Variants in DLG2 observed in about 807,000 individuals in gnomAD.
DLG2 encodes disks large homolog 2.
Under a neutral mutation model 132.5 loss-of-function variants are expected in DLG2, and 45 were observed. The observed-to-expected ratio is 0.34, with a 90% CI of 0.27 to 0.44. DLG2 has a LOEUF of 0.44. Among genes scored for constraint, DLG2 ranks in the 20% least tolerant of loss-of-function variants. The pLI is 1.00. For missense variants in DLG2, 1,045 were observed against 1,196.9 expected, an observed-to-expected ratio of 0.87 and a Z score of 1.87; for synonymous variants, 424 against 419.6, an observed-to-expected ratio of 1.01 and a Z score of -0.13.
intron 7 of DLG2, among the ~76,000 whole-genome samples, chr11:84,478,852 T>C (rs1351330296): frequency 6.6e-6 from 1 of 152,102 alleles, no homozygotes. Flanking sequence ...CTAGAATCTT[T>C]GACGTATAAA....
At chr11:83,469,445 C>A in intron 24 of DLG2, 72 bp from the exon 25 acceptor site, 1 of 1,112,496 alleles carries the variant, frequency 9.0e-7, no homozygotes, top group Non-Finnish European at 1.3e-6. Context: ...CTATATTCTC[C>A]ACCACATCCT....
chr11:85,449,926 G>A (rs1215797303), intron 3 of DLG2, among the ~76,000 whole-genome samples: 4 of 151,894 alleles, frequency 2.6e-5, no homozygotes, highest in African/African-American at 7.3e-5. Flanking sequence ...TCGGGAGTTC[G>A]AGACCAGCCT....
chr11:85,400,647 T>C (rs1319858086), intron 3 of DLG2, among the ~76,000 whole-genome samples: 5 of 144,774 alleles, frequency 3.5e-5, no homozygotes, highest in African/African-American at 5.1e-5. Flanking sequence ...ATGGATGAAA[T>C]TGGAAATCAT....
chr11:85,034,315 A>T (rs889952935), intron 6 of DLG2, among the ~76,000 whole-genome samples: 4 of 152,044 alleles, frequency 2.6e-5, no homozygotes, highest in Admixed American at 1.3e-4. Context: ...TGACCTCGTG[A>T]TCCGCCTGCC....
At position 85,562,484 on chromosome 11, in the gene DLG2, A is replaced by G. The variant is rs79148586; in HGVS notation, c.40+36173T>C. Among the ~76,000 whole-genome samples the G allele has an allele frequency of 3.3e-5, 5 of 151,842 alleles. No homozygotes were observed. In the East Asian group the frequency reaches 7.7e-4, roughly 23 times the overall value. On this transcript the variant is annotated intron_variant, in intron 3 of 27. Transcript: ENST00000376104. ...AAAACGAACTCCTTAAAGTATTAGT[A>G]TCTTCAATTTGCATATTAAAAACTA...
intron 3 of DLG2, among the ~76,000 whole-genome samples, chr11:85,501,067 A>T (rs1356200270): frequency 6.6e-6 from 1 of 152,202 alleles, no homozygotes; most frequent in Non-Finnish European, 1.5e-5. Flanking sequence ...GTACCAAAAC[A>T]TATATATAAA....
At chr11:84,318,484 A>G (rs1044964740) in intron 7 of DLG2, among the ~76,000 whole-genome samples, 7 of 152,140 alleles carry the variant, frequency 4.6e-5, no homozygotes, top group Admixed American at 3.3e-4. Context: ...CATCAAATCT[A>G]CCTTCTCAGT....
chr11:83,786,610 T>A (rs759064263), intron 18 of DLG2, 80 bp downstream of exon 18: 1 of 1,264,512 alleles, frequency 7.9e-7, no homozygotes. Flanking sequence ...GTGACTCTAG[T>A]TAATAAAAAT....
intron 7 of DLG2, among the ~76,000 whole-genome samples, chr11:84,514,376 AG>A (rs754519184): frequency 2.9e-4 from 44 of 152,118 alleles, no homozygotes; most frequent in Non-Finnish European, 6.0e-4. Context: ...AGTATATCAA[AG>A]GAACATCTGC....
At chr11:84,550,564 C>T (rs1410513492) in intron 6 of DLG2, among the ~76,000 whole-genome samples, 1 of 152,202 alleles carries the variant, frequency 6.6e-6, no homozygotes, top group Non-Finnish European at 1.5e-5. Flanking sequence ...ACTTGCCTAG[C>T]CTTCCCATTA....
At chr11:83,993,148 C>A (rs1469192266) in intron 11 of DLG2, among the ~76,000 whole-genome samples, 1 of 152,008 alleles carries the variant, frequency 6.6e-6, no homozygotes, top group East Asian at 1.9e-4. Context: ...ACTAATCTTT[C>A]CTTTTTAACA....
In DLG2 at chr11:85,377,058, A is replaced by G. The variant is rs150651482; in HGVS notation, c.41-91693T>C. Among the ~76,000 whole-genome samples the G allele has an allele frequency of 3.5e-4, 54 of 152,342 alleles. 1 individual carries two copies. The highest frequency in any genetic ancestry group is 1.3e-3 in the African/African-American group (54 of 41,584). ...CCTTTATGGATAATGAATCTAAGCC[A>G]CAAAGAAACATAGCCAAGGTCATGT... On this transcript the variant is annotated intron_variant, in intron 3 of 27. Coordinates refer to ENST00000376104, the MANE Select transcript of DLG2 (RefSeq NM_001142699.3).
rs935402184 is a variant in DLG2 at position 83,815,863 on chromosome 11, G to A, written c.1722+17751C>T. On this transcript the variant is annotated intron_variant, in intron 17 of 27. Transcript: ENST00000376104. ...CTTCTTTAGCTCTGTGTGAATCCTGGAGAATACAAACAAGTATTCTCTTCA... is the reference window on the plus strand; with the variant it reads ...CTTCTTTAGCTCTGTGTGAATCCTGAAGAATACAAACAAGTATTCTCTTCA... 2.6e-5 allele frequency among the ~76,000 whole-genome samples: 4 copies of A among 152,098 alleles called. No homozygotes were observed. The East Asian group carries it at 7.7e-4, about 29-fold the overall frequency.
chr11:85,485,969 G>A (rs2093419834), intron 3 of DLG2, among the ~76,000 whole-genome samples: 1 of 152,160 alleles, frequency 6.6e-6, no homozygotes, highest in African/African-American at 2.4e-5. Flanking sequence ...CAGACAACTA[G>A]GATAGTCCAC....
chr11:84,615,551 T>C (rs558277857), intron 6 of DLG2, among the ~76,000 whole-genome samples: 33 of 152,112 alleles, frequency 2.2e-4, no homozygotes, highest in Admixed American at 3.9e-4. Context: ...TTAACAATGA[T>C]TGGACACAGT....
intron 18 of DLG2, among the ~76,000 whole-genome samples, chr11:83,673,162 A>G (rs1222116478): frequency 6.6e-6 from 1 of 152,242 alleles, no homozygotes; most frequent in Non-Finnish European, 1.5e-5. Flanking sequence ...CTAAAAACAT[A>G]TATTTGTCCA....
intron 22 of DLG2, among the ~76,000 whole-genome samples, chr11:83,474,388 T>C (rs1647852692): frequency 6.6e-6 from 1 of 152,078 alleles, no homozygotes; most frequent in Admixed American, 6.6e-5. Flanking sequence ...ATCAGGAAAA[T>C]GCTGTGGGTC....
chr11:84,399,377 G>C (rs983307899), intron 7 of DLG2, among the ~76,000 whole-genome samples: 2 of 151,970 alleles, frequency 1.3e-5, no homozygotes, highest in East Asian at 1.9e-4. Context: ...TCCACTAAAT[G>C]GTGGACTCCT....
intron 3 of DLG2, among the ~76,000 whole-genome samples, chr11:85,300,964 G>C (rs2079549836): frequency 6.6e-6 from 1 of 152,140 alleles, no homozygotes; most frequent in Non-Finnish European, 1.5e-5. Flanking sequence ...ACTTTGGTAG[G>C]CAGAGGCGGG....
Sources: gnomAD v4.1 joint callset for allele counts (sites outside exome capture counted in the v4.1 genomes callset) on GRCh38, gnomAD v4.1.1 for gene constraint, MANE v1.5 for transcripts, NCBI Gene and HGNC (gene_info 2026-07-23, HGNC 2026-07-21) for gene names.